Variants in RCAN2 observed in about 807,000 individuals in gnomAD.
RCAN2 encodes the protein calcipressin-2.
RCAN2 carries 9 observed loss-of-function variants against 23.6 expected under a neutral mutation model. The ratio of observed to expected loss-of-function variants is 0.38; its 90% CI spans 0.23 to 0.67. The LOEUF is 0.67. Ranked by LOEUF, RCAN2 falls within the 30% of genes least tolerant of loss-of-function variation. RCAN2 has a pLI of 0.51. For synonymous variants in RCAN2, 109 were observed against 115.7 expected (o/e 0.94, Z 0.37); for missense variants, 273 against 302.3 (o/e 0.90, Z 0.72).
At chr6:46,315,931 AAGAGACAAGAAAAGAGGTTTG>A (rs1374194952) in intron 2 of RCAN2, among the ~76,000 whole-genome samples, 10 of 151,110 alleles carry the variant, frequency 6.6e-5, no homozygotes, top group Non-Finnish European at 1.2e-4. Flanking sequence ...AGAGGTTTGG[AAGAGACAAGAAAAGAGGTTTG>A]GAAGAGACAC....
chr6:46,448,282 C>A (rs370876416), intron 2 of RCAN2, among the ~76,000 whole-genome samples: 2 of 151,328 alleles, frequency 1.3e-5, no homozygotes, highest in Admixed American at 1.3e-4. Context: ...GACTGAATCA[C>A]GAAGAAAAAG....
chr6:46,430,023 AAG>A (rs1239512999), intron 2 of RCAN2, among the ~76,000 whole-genome samples: 1 of 152,214 alleles, frequency 6.6e-6, no homozygotes, highest in Non-Finnish European at 1.5e-5. Context: ...AGGCCAGGCT[AAG>A]AATACTGACC....
At chr6:46,243,664 G>A (rs925675618) in intron 4 of RCAN2, among the ~76,000 whole-genome samples, 1 of 151,886 alleles carries the variant, frequency 6.6e-6, no homozygotes, top group Non-Finnish European at 1.5e-5. Context: ...ATAAAAATTA[G>A]CCAGGTGTGG....
intron 2 of RCAN2, among the ~76,000 whole-genome samples, chr6:46,444,568 C>T (rs146933820): frequency 3.3e-3 from 508 of 152,178 alleles, no homozygotes; most frequent in African/African-American, 0.012. Context: ...AGGCTTTAGA[C>T]CTGCCCCTTT....
At chr6:46,307,392 C>T (rs1011885478) in intron 2 of RCAN2, among the ~76,000 whole-genome samples, 1 of 152,008 alleles carries the variant, frequency 6.6e-6, no homozygotes, top group African/African-American at 2.4e-5. Flanking sequence ...CTGGTGAGTT[C>T]AGGCTTCAAG....
At chr6:46,399,050 C>T (rs1766173312) in intron 2 of RCAN2, among the ~76,000 whole-genome samples, 1 of 151,934 alleles carries the variant, frequency 6.6e-6, no homozygotes, top group Non-Finnish European at 1.5e-5. Flanking sequence ...AATCTTTTTC[C>T]TTTTCAGACT....
chr6:46,449,376 T>C (rs550308418), intron 2 of RCAN2, among the ~76,000 whole-genome samples: 4 of 151,516 alleles, frequency 2.6e-5, no homozygotes, highest in Non-Finnish European at 5.9e-5. Context: ...GAAGAATTAG[T>C]ATTAATATTA....
intron 2 of RCAN2, among the ~76,000 whole-genome samples, chr6:46,413,409 AT>A (rs939666127): frequency 6.6e-6 from 1 of 152,088 alleles, no homozygotes; most frequent in Admixed American, 6.6e-5. Context: ...TCCTGCTAAG[AT>A]TTTTTTTATG....
chr6:46,298,218 T>G (rs1762780827), intron 2 of RCAN2, among the ~76,000 whole-genome samples: 1 of 152,146 alleles, frequency 6.6e-6, no homozygotes, highest in Non-Finnish European at 1.5e-5. Flanking sequence ...TAAAAGTACA[T>G]GTCCTTCAAT....
At chr6:46,463,119 T>C (rs1408887772) in intron 1 of RCAN2, among the ~76,000 whole-genome samples, 3 of 152,192 alleles carry the variant, frequency 2.0e-5, no homozygotes, top group African/African-American at 7.2e-5. Context: ...ATCTAGAGTC[T>C]TGGCAACCTG....
intron 2 of RCAN2, among the ~76,000 whole-genome samples, chr6:46,404,257 G>T (rs187560846): frequency 6.6e-6 from 1 of 151,928 alleles, no homozygotes. Context: ...AGAGGGAAAT[G>T]AGTGCTTGTT....
At position 46,223,127 on chromosome 6, in the gene RCAN2, A is replaced by AT; in HGVS notation, c.*13_*14insA. 6.2e-7 allele frequency: 1 copy of AT among 1,612,112 alleles called. No homozygotes were observed. Among genetic ancestry groups the AT allele is most frequent in the Non-Finnish European group, 8.5e-7 (1 of 1,179,672 alleles). On this transcript the variant is annotated 3_prime_UTR_variant, in exon 5 of 5. Coordinates refer to ENST00000371374, the MANE Select transcript of RCAN2 (RefSeq NM_001251974.2). ...TAAAGAGGAGACGGCTATTATCGAGAAGGAGCAGGCAGCTCAGTTGGACAC... is the reference window on the plus strand; with the variant it reads ...TAAAGAGGAGACGGCTATTATCGAGATAGGAGCAGGCAGCTCAGTTGGACAC...
intron 2 of RCAN2, among the ~76,000 whole-genome samples, chr6:46,440,018 A>C (rs1210552801): frequency 2.0e-5 from 3 of 152,176 alleles, no homozygotes; most frequent in African/African-American, 7.2e-5. Context: ...ATATCAACAA[A>C]AAGTAATCTA....
chr6:46,399,246 C>T (rs895477691), intron 2 of RCAN2, among the ~76,000 whole-genome samples: 1 of 152,010 alleles, frequency 6.6e-6, no homozygotes, highest in Admixed American at 6.6e-5. Flanking sequence ...GATCTTTCTC[C>T]TCCAATCCCT....
chr6:46,442,927 G>A (rs2150423692), intron 2 of RCAN2, among the ~76,000 whole-genome samples: 1 of 152,280 alleles, frequency 6.6e-6, no homozygotes, highest in East Asian at 1.9e-4. Context: ...ATGTCCTACA[G>A]CAGCGTTCAA....
chr6:46,456,697 C>T, intron 2 of RCAN2, 55 bp downstream of exon 2: 1 of 1,262,972 alleles, frequency 7.9e-7, no homozygotes, highest in South Asian at 1.3e-5. Flanking sequence ...AACAGGATTA[C>T]TTGGAGATAA....
At position 46,269,016 on chromosome 6, in the gene RCAN2, T is replaced by C. The variant is rs567819069; in HGVS notation, c.226-20120A>G. 1.6e-3 allele frequency among the ~76,000 whole-genome samples: 251 copies of C among 152,346 alleles called. 2 individuals are homozygous for C. Among genetic ancestry groups the C allele is most frequent in the Non-Finnish European group, 3.1e-3 (209 of 68,026 alleles). Reference sequence around the variant, plus strand: ...TATTACCTGCAAAACTTAAACTACTTACTATCTGGTTCTTCACAGAAAAAA... The same window carrying C: ...TATTACCTGCAAAACTTAAACTACTCACTATCTGGTTCTTCACAGAAAAAA... On this transcript the variant is annotated intron_variant, in intron 2 of 4. Coordinates refer to ENST00000371374, the MANE Select transcript of RCAN2 (RefSeq NM_001251974.2).
At chr6:46,280,650 C>G (rs978229060) in intron 2 of RCAN2, among the ~76,000 whole-genome samples, 1 of 152,160 alleles carries the variant, frequency 6.6e-6, no homozygotes, top group African/African-American at 2.4e-5. Context: ...TCCAATGAAG[C>G]CTTGGAGAAT....
intron 2 of RCAN2, among the ~76,000 whole-genome samples, chr6:46,420,146 G>C (rs1156363937): frequency 6.6e-6 from 1 of 151,456 alleles, no homozygotes; most frequent in Non-Finnish European, 1.5e-5. Context: ...ACAGAGTACA[G>C]ATTATAAGCC....
Sources: gnomAD v4.1 joint callset for allele counts (sites outside exome capture counted in the v4.1 genomes callset) on GRCh38, gnomAD v4.1.1 for gene constraint, MANE v1.5 for transcripts, NCBI Gene and HGNC (gene_info 2026-07-23, HGNC 2026-07-21) for gene names.